The following AGTPBP1 variants were observed in gnomAD, a reference collection of about 807,000 sequenced individuals.
AGTPBP1 encodes cytosolic carboxypeptidase 1.
Under a neutral mutation model 143.9 loss-of-function variants are expected in AGTPBP1, and 70 were observed. The observed-to-expected ratio is 0.49, with a 90% confidence interval of 0.40 to 0.59. The LOEUF is 0.59. AGTPBP1 is among the 20% of genes least tolerant of loss of function. AGTPBP1 has a pLI of 0.00. For synonymous variants in AGTPBP1, 463 were observed against 500.2 expected (o/e 0.93, Z 0.99); for missense variants, 1,229 against 1,464.5 (o/e 0.84, Z 2.62).
At chr9:85,611,775 A>C (rs1830332344) in intron 17 of AGTPBP1, among the ~76,000 whole-genome samples, 2 of 152,046 alleles carry the variant, frequency 1.3e-5, no homozygotes, top group Admixed American at 1.3e-4. Context: ...CCACCTCCCG[A>C]GTTCAAGCTA....
rs1830759926 is a variant in AGTPBP1 at position 85,619,100 on chromosome 9, T to C, written c.2218A>G (p.Ile740Val). The C allele has an allele frequency of 1.2e-6, 2 of 1,613,608 alleles. No individual in the cohort carries two copies. Among genetic ancestry groups the C allele is most frequent in the Non-Finnish European group, 1.7e-6 (2 of 1,179,716 alleles). Residue 740 changes from isoleucine to valine, a missense_variant, in exon 17 of 26, where the codon ATA becomes GTA. Physicochemically the swap from Ile to Val is conservative, Grantham distance 29. Coordinates refer to ENST00000357081, the MANE Select transcript of AGTPBP1 (RefSeq NM_001330701.2). ...NEYDLILNSD[I>V]NSNHYHQWFY... ...CACTGATGATAATGATTGCTGTTTA[T>C]GTCTGAGTTCAGAATAAGATCATAT...
the AGTPBP1 span, among the ~76,000 whole-genome samples, chr9:85,754,223 G>A: frequency 6.6e-6 from 1 of 152,086 alleles, no homozygotes; most frequent in African/African-American, 2.4e-5. Context: ...ATGGAGTCTC[G>A]CTCTGTCGCC....
chr9:85,746,114 T>C (rs940498032), upstream of AGTPBP1, among the ~76,000 whole-genome samples: 1 of 151,962 alleles, frequency 6.6e-6, no homozygotes, highest in Non-Finnish European at 1.5e-5. Context: ...GCCTTCCTTT[T>C]CCCCCTGCCC....
intron 8 of AGTPBP1, among the ~76,000 whole-genome samples, chr9:85,666,856 T>C (rs957849036): frequency 2.6e-5 from 4 of 152,114 alleles, no homozygotes; most frequent in Non-Finnish European, 5.9e-5. Flanking sequence ...AATGTACTTT[T>C]AGTGTTAGCT....
At chr9:85,659,658 T>C (rs1196180440) in intron 9 of AGTPBP1, among the ~76,000 whole-genome samples, 4 of 152,144 alleles carry the variant, frequency 2.6e-5, no homozygotes, top group Non-Finnish European at 5.9e-5. Context: ...TTGCAACTTA[T>C]GAGAATTTTG....
chr9:85,672,761 G>C, intron 6 of AGTPBP1, 80 bp from the exon 7 acceptor site: 1 of 1,072,550 alleles, frequency 9.3e-7, no homozygotes, highest in Non-Finnish European at 1.3e-6. Context: ...TTGAGACAGA[G>C]TCTTGCTCTG....
chr9:85,620,135 G>A (rs1587751727), intron 15 of AGTPBP1, among the ~76,000 whole-genome samples: 2 of 152,130 alleles, frequency 1.3e-5, no homozygotes, highest in South Asian at 2.1e-4. Flanking sequence ...TTTTAGCCAG[G>A]CACGGTGGGT....
At chr9:85,754,888 C>T in the AGTPBP1 span, among the ~76,000 whole-genome samples, 3 of 150,564 alleles carry the variant, frequency 2.0e-5, no homozygotes, top group African/African-American at 5.0e-5. Context: ...ATCTTTCAAA[C>T]CCCACTCACA....
chr9:85,690,139 GA>G (rs1387063886), intron 3 of AGTPBP1, among the ~76,000 whole-genome samples: 1 of 151,876 alleles, frequency 6.6e-6, no homozygotes, highest in Non-Finnish European at 1.5e-5. Flanking sequence ...TCTGACTACT[GA>G]AAGATATCTT....
At chr9:85,564,239 G>C (rs1217308770) in intron 25 of AGTPBP1, among the ~76,000 whole-genome samples, 2 of 152,264 alleles carry the variant, frequency 1.3e-5, no homozygotes, top group Non-Finnish European at 2.9e-5. Flanking sequence ...TGGGCCTGAA[G>C]AGCAGAGAAT....
At chr9:85,681,153 A>T in intron 4 of AGTPBP1, 115 bp downstream of exon 4, 1 of 875,152 alleles carries the variant, frequency 1.1e-6, no homozygotes. Flanking sequence ...GTGTGTGTGT[A>T]TATATGTACG....
intron 5 of AGTPBP1, 113 bp downstream of exon 5, chr9:85,678,222 A>C (rs1027092685): frequency 3.2e-6 from 2 of 627,300 alleles, no homozygotes; most frequent in Non-Finnish European, 5.2e-6. Flanking sequence ...TTCTAATTCC[A>C]ATACTCAGAA....
rs570856749 is a variant in AGTPBP1 at position 85,735,276 on chromosome 9, A to G, written c.-34+6499T>C. 6.6e-5 allele frequency among the ~76,000 whole-genome samples: 10 copies of G among 152,380 alleles called. No homozygotes were observed. The South Asian group carries it at 2.1e-3, about 32-fold the overall frequency. On this transcript the variant is annotated intron_variant, in intron 1 of 25. Coordinates refer to ENST00000357081, the MANE Select transcript of AGTPBP1 (RefSeq NM_001330701.2). ...GCTAAATGAAATAAGCCAGTCACAA[A>G]AAGATAAACGCTGTATGATTGATTC...
chr9:85,698,916 A>G (rs529980351), intron 2 of AGTPBP1, among the ~76,000 whole-genome samples: 1 of 151,618 alleles, frequency 6.6e-6, no homozygotes, highest in Non-Finnish European at 1.5e-5. Flanking sequence ...GATGGTCTCG[A>G]TCTCCTGACC....
intron 17 of AGTPBP1, among the ~76,000 whole-genome samples, chr9:85,603,681 T>C (rs1322621104): frequency 6.6e-6 from 1 of 151,872 alleles, no homozygotes; most frequent in East Asian, 2.0e-4. Context: ...AGAGGGCCCC[T>C]AGGGTCCCCA....
At chr9:85,674,789 T>C (rs1398711854) in intron 6 of AGTPBP1, among the ~76,000 whole-genome samples, 2 of 152,230 alleles carry the variant, frequency 1.3e-5, no homozygotes, top group African/African-American at 4.8e-5. Flanking sequence ...ATACGTATGT[T>C]AATAAATACA....
chr9:85,774,538 A>C, the AGTPBP1 span, among the ~76,000 whole-genome samples: 1 of 152,222 alleles, frequency 6.6e-6, no homozygotes, highest in South Asian at 2.1e-4. Context: ...ATTGATGGGC[A>C]CATACCATTA....
At chr9:85,795,116 G>A in the AGTPBP1 span, among the ~76,000 whole-genome samples, 10 of 152,194 alleles carry the variant, frequency 6.6e-5, no homozygotes, top group African/African-American at 2.4e-4. Context: ...ATTTTAGCTG[G>A]TTATTTTTAA....
intron 3 of AGTPBP1, among the ~76,000 whole-genome samples, chr9:85,685,319 G>A (rs1326138829): frequency 6.6e-6 from 1 of 151,586 alleles, no homozygotes; most frequent in East Asian, 1.9e-4. Flanking sequence ...AGTCAAACTT[G>A]AAAAGCAAAA....
Sources: gnomAD v4.1 joint callset for allele counts (sites outside exome capture counted in the v4.1 genomes callset) on GRCh38, gnomAD v4.1.1 for gene constraint, MANE v1.5 for transcripts, NCBI Gene and HGNC (gene_info 2026-07-23, HGNC 2026-07-21) for gene names.